The following ZNF469 variants were observed in gnomAD, a reference collection of about 807,000 sequenced individuals.
ZNF469 encodes zinc finger protein 469.
In ZNF469, 1 loss-of-function variant was observed where a neutral mutation model predicts 1.0. That is an observed-to-expected ratio of 1.00 (90% CI 0.35 to 4.73). ZNF469 has a LOEUF of 4.73. ZNF469 is among the 30% of genes most tolerant of loss of function. The probability of loss-of-function intolerance (pLI) is 0.16; values close to 1 mark genes in which losing one functional copy is unlikely to be tolerated. For synonymous variants in ZNF469, 2,703 were observed against 2,363.4 expected (o/e 1.14, Z -4.17); for missense variants, 6,100 against 5,356.3 (o/e 1.14, Z -4.33).
At chr16:88,282,046 C>T in the ZNF469 span, among the ~76,000 whole-genome samples, 3 of 152,166 alleles carry the variant, frequency 2.0e-5, no homozygotes, top group Non-Finnish European at 4.4e-5. Flanking sequence ...CATTATTGTG[C>T]CAGTGTTGGT....
At chr16:88,306,974 C>A in the ZNF469 span, among the ~76,000 whole-genome samples, 12 of 152,196 alleles carry the variant, frequency 7.9e-5, no homozygotes, top group Non-Finnish European at 1.5e-4. Flanking sequence ...AAAGAAACTC[C>A]AGGCCCTTTA....
chr16:88,211,332 A>T, the ZNF469 span, among the ~76,000 whole-genome samples: 2 of 152,184 alleles, frequency 1.3e-5, no homozygotes, highest in African/African-American at 2.4e-5. Context: ...CAGGGAGGTG[A>T]TCGTCTACAA....
the ZNF469 span, among the ~76,000 whole-genome samples, chr16:88,113,794 C>T: frequency 1.4e-4 from 21 of 152,282 alleles, no homozygotes; most frequent in Middle Eastern, 3.4e-3. Context: ...TGACACCCCC[C>T]GGTGCAGGCT....
Position 88,389,411 on chromosome 16 carries a change from T to C in ZNF469, c.-192+6157T>C, listed in dbSNP as rs374903924. 2.0e-4 allele frequency among the ~76,000 whole-genome samples: 30 copies of C among 152,360 alleles called. 1 individual carries two copies. The East Asian group carries it at 2.9e-3, about 15-fold the overall frequency. ...ATTTTGTGCACGCACCCCTCCTCCGTTGGACGCCTGGCTTGCCTCCCCTGT... is the reference window on the plus strand; with the variant it reads ...ATTTTGTGCACGCACCCCTCCTCCGCTGGACGCCTGGCTTGCCTCCCCTGT... On this transcript the variant is annotated intron_variant, in intron 1 of 2. Transcript: ENST00000565624.
At chr16:88,250,947 G>A in the ZNF469 span, among the ~76,000 whole-genome samples, 3 of 152,068 alleles carry the variant, frequency 2.0e-5, no homozygotes, top group Non-Finnish European at 4.4e-5. Context: ...GCATGATCTC[G>A]GCTCACTGCA....
At chr16:88,311,449 T>A in the ZNF469 span, among the ~76,000 whole-genome samples, 1 of 152,218 alleles carries the variant, frequency 6.6e-6, no homozygotes, top group Non-Finnish European at 1.5e-5. Flanking sequence ...CCATGACTGT[T>A]TCTGCACTGA....
At chr16:88,208,777 G>GCACACACACACACA in the ZNF469 span, among the ~76,000 whole-genome samples, 1,674 of 129,504 alleles carry the variant, frequency 0.013, 17 homozygotes, top group Middle Eastern at 0.03. Flanking sequence ...GCGCGTGCGC[G>GCACACACACACACA]CGCACACACA....
chr16:88,405,553 G>T (rs187909632), intron 1 of ZNF469, among the ~76,000 whole-genome samples: 2 of 152,186 alleles, frequency 1.3e-5, no homozygotes, highest in African/African-American at 4.8e-5. Flanking sequence ...GGCTGGAGAG[G>T]ACTCCAGTGG....
the ZNF469 span, among the ~76,000 whole-genome samples, chr16:88,263,558 G>T: frequency 6.6e-6 from 1 of 152,308 alleles, no homozygotes; most frequent in South Asian, 2.1e-4. Flanking sequence ...GGCATGGGGT[G>T]CCCATGTGGG....
At chr16:88,127,543 A>G in the ZNF469 span, among the ~76,000 whole-genome samples, 1 of 152,200 alleles carries the variant, frequency 6.6e-6, no homozygotes, top group Non-Finnish European at 1.5e-5. Flanking sequence ...AGTGAACAGC[A>G]TTCTGGGGCG....
At chr16:88,298,141 C>T in the ZNF469 span, among the ~76,000 whole-genome samples, 4 of 152,208 alleles carry the variant, frequency 2.6e-5, no homozygotes, top group African/African-American at 9.7e-5. Flanking sequence ...TCCCCCACCC[C>T]CTGCCACAGC....
At chr16:88,377,293 G>A in the ZNF469 span, among the ~76,000 whole-genome samples, 2 of 152,250 alleles carry the variant, frequency 1.3e-5, no homozygotes, top group East Asian at 1.9e-4. Flanking sequence ...CAGAGGGTGG[G>A]CAAGGTGGAT....
chr16:88,152,961 G>T, the ZNF469 span, among the ~76,000 whole-genome samples: 1 of 152,198 alleles, frequency 6.6e-6, no homozygotes, highest in Non-Finnish European at 1.5e-5. The surrounding 1 kb of genome is among the most constrained non-coding windows in gnomAD (Gnocchi z 4.2). Flanking sequence ...GGCCGTGAAG[G>T]GCTCTGGCGG....
At position 88,424,663 on chromosome 16, in the gene ZNF469, G is replaced by C. The variant is rs1905623986; in HGVS notation, c.-191-144G>C. ...CTGAGGGGAGCTCACCCATCTCCCGGTGGCTCTTGGTGGCTTCCCGGTGCC... is the reference window on the plus strand; with the variant it reads ...CTGAGGGGAGCTCACCCATCTCCCGCTGGCTCTTGGTGGCTTCCCGGTGCC... On this transcript the variant is annotated intron_variant, in intron 1 of 2. Transcript: ENST00000565624. The surrounding 1 kb of genome is among the most constrained non-coding windows in gnomAD (Gnocchi z 4.3). 6.6e-6 allele frequency among the ~76,000 whole-genome samples: 1 copy of C among 152,098 alleles called. No individual in the cohort carries two copies. The highest frequency in any genetic ancestry group is 1.5e-5 in the Non-Finnish European group (1 of 67,992).
the ZNF469 span, among the ~76,000 whole-genome samples, chr16:88,133,002 G>A: frequency 6.6e-6 from 1 of 152,214 alleles, no homozygotes; most frequent in Non-Finnish European, 1.5e-5. Flanking sequence ...GGGCATGCTG[G>A]GAGAGATGCC....
chr16:88,368,984 C>T, the ZNF469 span, among the ~76,000 whole-genome samples: 4 of 151,816 alleles, frequency 2.6e-5, no homozygotes, highest in Non-Finnish European at 4.4e-5. Context: ...GAGGCTGAGG[C>T]AGGAAAATTG....
chr16:88,309,790 T>G, the ZNF469 span, among the ~76,000 whole-genome samples: 1 of 151,972 alleles, frequency 6.6e-6, no homozygotes. Context: ...TGTGGTTCAC[T>G]CTCCTCAAAT....
chr16:88,430,542 C>T lies in ZNF469; in HGVS notation c.3072C>T (p.Ser1024=), dbSNP rs1219175594. 2.0e-6 allele frequency: 3 copies of T among 1,467,974 alleles called. No homozygotes were observed. Among genetic ancestry groups the T allele is most frequent in the Non-Finnish European group, 2.7e-6 (3 of 1,117,202 alleles). The allele number at this position is 1,467,974 out of a possible 1,614,324, so 90.9% of individuals were successfully genotyped here. Residue 1024 remains serine (S), a synonymous_variant, in exon 3 of 3, where the codon AGC becomes AGT. Transcript: ENST00000565624. ...RAAALPEETR[S]SRRRRLPPRK... is the part of the protein sequence containing the mutation. ...CCGCCCTCCCCGAGGAGACCCGCAGCTCCCGGCGCCGCCGGCTGCCCCCCA... is the reference window on the plus strand; with the variant it reads ...CCGCCCTCCCCGAGGAGACCCGCAGTTCCCGGCGCCGCCGGCTGCCCCCCA...
In ZNF469 at chr16:88,435,526, G is replaced by A; in HGVS notation, c.8056G>A (p.Glu2686Lys). 2 of 1,549,448 alleles carry A rather than the reference G, an allele frequency of 1.3e-6. No individual in the cohort carries two copies. The highest frequency in any genetic ancestry group is 2.4e-5 in the East Asian group (1 of 40,924). The change falls in exon 3 of 3, where the codon GAG becomes AAG. Residue 2686 changes from glutamate (E) to lysine (K), a missense_variant. By Grantham distance (56) the Glu-to-Lys change is moderately conservative (BLOSUM62 1). Coordinates refer to ENST00000565624, the MANE Select transcript of ZNF469 (RefSeq NM_001367624.2). Reference sequence around the variant, plus strand: ...CTGCCTCTCTGTGGAAGGAGGGCCTGAGGCTGACGGGGAGCAGCCGCCTCG... The same window carrying A: ...CTGCCTCTCTGTGGAAGGAGGGCCTAAGGCTGACGGGGAGCAGCCGCCTCG... ...SHCLSVEGGPEADGEQPPRLA... is the reference protein window; with the variant it reads ...SHCLSVEGGPKADGEQPPRLA...
Sources: gnomAD v4.1 joint callset for allele counts (sites outside exome capture counted in the v4.1 genomes callset) on GRCh38, gnomAD v4.1.1 for gene constraint, Gnocchi (gnomAD v3.1) non-coding constraint, MANE v1.5 for transcripts, NCBI Gene and HGNC (gene_info 2026-07-23, HGNC 2026-07-21) for gene names.